Variants in MPRIP observed in about 807,000 individuals in gnomAD.
MPRIP encodes myosin phosphatase Rho-interacting protein.
A neutral mutation model predicts 234.9 loss-of-function variants in MPRIP; 59 were observed. The ratio of observed to expected loss-of-function variants is 0.25; its 90% CI spans 0.20 to 0.31. The LOEUF (loss-of-function observed/expected upper bound fraction) is 0.31, where lower values mean the gene tolerates loss of function less well. MPRIP is among the 10% of genes least tolerant of loss of function. The pLI is 1.00. For synonymous variants in MPRIP, 1,144 were observed against 1,263.9 expected, an observed-to-expected ratio of 0.91 and a Z score of 2.01; for missense variants, 2,436 against 3,071.0, an observed-to-expected ratio of 0.79 and a Z score of 4.89.
chr17:17,072,863 C>T (rs542610335), intron 1 of MPRIP, among the ~76,000 whole-genome samples: 26 of 152,224 alleles, frequency 1.7e-4, no homozygotes, highest in African/African-American at 5.8e-4. Flanking sequence ...CCCAGAGAGT[C>T]CTCTCCACCC....
intron 1 of MPRIP, among the ~76,000 whole-genome samples, chr17:17,066,079 A>G (rs1345060378): frequency 6.6e-6 from 1 of 152,194 alleles, no homozygotes; most frequent in African/African-American, 2.4e-5. Context: ...CAGCTATGTC[A>G]TCTGTGAATA....
chr17:17,102,406 C>T (rs1567715869), intron 3 of MPRIP, among the ~76,000 whole-genome samples: 1 of 152,236 alleles, frequency 6.6e-6, no homozygotes, highest in Non-Finnish European at 1.5e-5. Context: ...AGTGCTGAGA[C>T]ACCTGGGCCT....
chr17:17,108,621 C>T (rs1433509707), intron 3 of MPRIP, among the ~76,000 whole-genome samples: 1 of 150,390 alleles, frequency 6.6e-6, no homozygotes, highest in East Asian at 1.9e-4. Context: ...GCCAGCTGGC[C>T]TTTGTCTCTA....
intron 3 of MPRIP, among the ~76,000 whole-genome samples, chr17:17,116,580 C>T (rs1187404953): frequency 2.6e-5 from 4 of 152,236 alleles, no homozygotes; most frequent in African/African-American, 9.6e-5. Context: ...CCATGGGCCT[C>T]TTCACTGTGT....
intron 15 of MPRIP, 85 bp from the exon 16 acceptor site, chr17:17,164,023 TC>T: frequency 2.2e-6 from 2 of 930,032 alleles, no homozygotes; most frequent in Non-Finnish European, 3.0e-6. Context: ...CAAGGAGCTT[TC>T]TGTGGTTGTT....
rs1226709755 is a variant in MPRIP, at chr17:17,172,804, G to T, written c.6579G>T (p.Arg2193=). ...TCAACTCGGATGTTGAGGCCCTGCG[G>T]CGCCAGTACCTGTAAGTGGCTGGGC... ...SSVNSDVEAL[R]RQYLEELQSV... The change falls in exon 18 of 24, where the codon CGG becomes CGT. Residue 2193 remains arginine (R), a synonymous_variant. Transcript: ENST00000651222. 3.1e-6 allele frequency: 5 copies of T among 1,612,182 alleles called. No individual in the cohort carries two copies. The highest frequency in any genetic ancestry group is 1.3e-5 in the African/African-American group (1 of 74,940).
intron 15 of MPRIP, among the ~76,000 whole-genome samples, chr17:17,162,285 C>T (rs942414430): frequency 6.6e-6 from 1 of 152,200 alleles, no homozygotes; most frequent in Admixed American, 6.5e-5. Flanking sequence ...ACCCAGTGAT[C>T]CCTGAGGGCC....
chr17:17,057,662 A>G (rs892786586), intron 1 of MPRIP: 1 of 717,954 alleles, frequency 1.4e-6, no homozygotes, highest in African/African-American at 1.7e-5. Flanking sequence ...TTGAAATGAA[A>G]CGTGGAGCTC....
At chr17:17,137,840 CT>C in intron 6 of MPRIP, 75 bp from the exon 7 acceptor site, 3 of 1,394,928 alleles carry the variant, frequency 2.2e-6, no homozygotes, top group African/African-American at 1.5e-5. Flanking sequence ...CCTACATGGG[CT>C]TTAAAAAAAA....
intron 1 of MPRIP, 30 bp downstream of exon 1, chr17:17,043,001 C>T (rs182104879): frequency 6.2e-6 from 10 of 1,601,642 alleles, no homozygotes; most frequent in Non-Finnish European, 8.5e-6. Flanking sequence ...CCGGACACCT[C>T]CGTTCTGGGA....
At chr17:17,133,743 T>C (rs1846130648) in intron 5 of MPRIP, among the ~76,000 whole-genome samples, 2 of 152,184 alleles carry the variant, frequency 1.3e-5, no homozygotes, top group South Asian at 4.1e-4. Flanking sequence ...AGACAGCCTT[T>C]CAGCTGAGGG....
rs1297274108 is a variant in MPRIP at position 17,192,204 on chromosome 17, T to C, written c.*7310T>C. 6.6e-6 allele frequency: 1 copy of C among 152,186 alleles called. No homozygotes were observed. The highest frequency in any genetic ancestry group is 6.5e-5 in the Admixed American group (1 of 15,278). The allele number at this position is 152,186 out of a possible 1,614,324, so 9.4% of individuals were successfully genotyped here. ...TCACATGATGAAAAGAAGCAGCTTG[T>C]ATAATTCCAACTGGTGTTTCATTTC... is the stretch of plus-strand genomic sequence containing the variant. On this transcript the variant is annotated 3_prime_UTR_variant, in exon 24 of 24. Transcript: ENST00000651222.
chr17:17,081,022 A>C (rs1481107599), intron 3 of MPRIP, among the ~76,000 whole-genome samples: 2 of 152,198 alleles, frequency 1.3e-5, no homozygotes, highest in East Asian at 3.9e-4. Context: ...GTGATGTTGC[A>C]AAGCAATCCC....
At chr17:17,155,301 A>G (rs1369894282) in intron 13 of MPRIP, among the ~76,000 whole-genome samples, 2 of 150,562 alleles carry the variant, frequency 1.3e-5, no homozygotes, top group African/African-American at 4.9e-5. Context: ...TGCCTAGGCT[A>G]GAGTGCAATA....
intron 3 of MPRIP, among the ~76,000 whole-genome samples, chr17:17,086,739 C>A (rs1010634309): frequency 6.6e-6 from 1 of 152,232 alleles, no homozygotes; most frequent in Non-Finnish European, 1.5e-5. Flanking sequence ...TGTTTGCTGA[C>A]AAGTGACACC....
At chr17:17,168,810 C>T (rs1369660134) in intron 16 of MPRIP, 1 of 455,716 alleles carries the variant, frequency 2.2e-6, no homozygotes, top group Non-Finnish European at 4.4e-6. Flanking sequence ...CAGGTGGTGC[C>T]TTCCACGCTC....
chr17:17,082,208 G>A (rs1048332049), intron 3 of MPRIP, among the ~76,000 whole-genome samples: 2 of 151,908 alleles, frequency 1.3e-5, no homozygotes, highest in Non-Finnish European at 2.9e-5. Flanking sequence ...TTAGGGTGGA[G>A]CAGGCCAGGC....
At chr17:17,141,010 G>A (rs765299499) in intron 7 of MPRIP, among the ~76,000 whole-genome samples, 11 of 152,114 alleles carry the variant, frequency 7.2e-5, no homozygotes, top group Non-Finnish European at 1.3e-4. Flanking sequence ...GCCAGTGTGC[G>A]AGCCTGTGGT....
intron 4 of MPRIP, among the ~76,000 whole-genome samples, chr17:17,129,432 G>A (rs1022178521): frequency 7.9e-5 from 12 of 152,174 alleles, no homozygotes; most frequent in African/African-American, 4.8e-5. Flanking sequence ...GATGTTAGAC[G>A]CTTCCTATTG....
Sources: allele counts gnomAD v4.1 joint callset (sites outside exome capture counted in the v4.1 genomes callset), GRCh38; gene constraint gnomAD v4.1.1; transcripts MANE v1.5; gene names NCBI Gene and HGNC (gene_info 2026-07-23, HGNC 2026-07-21).